Variants in GPC4 observed in about 807,000 individuals in gnomAD.
GPC4 encodes the protein glypican 4, also known as glypican-4.
GPC4 carries 10 observed loss-of-function variants against 35.0 expected under a neutral mutation model. That is an observed-to-expected ratio of 0.29 (90% CI 0.18 to 0.48). The LOEUF is 0.48. GPC4 is among the 20% of genes least tolerant of loss of function. The probability of loss-of-function intolerance (pLI) is 0.99; values close to 1 mark genes in which losing one functional copy is unlikely to be tolerated. For synonymous variants in GPC4, 167 were observed against 170.2 expected (o/e 0.98, Z 0.15); for missense variants, 322 against 451.3 (o/e 0.71, Z 2.60).
intron 1 of GPC4, among the ~76,000 whole-genome samples, chrX:133,389,545 A>T (rs1372599726): frequency 9.0e-6 from 1 of 111,585 alleles, no homozygotes; most frequent in African/African-American, 3.3e-5. Context: ...GGGAGGGCAA[A>T]ATTTAGGCTA....
intron 1 of GPC4, among the ~76,000 whole-genome samples, chrX:133,361,598 G>A (rs988291137): frequency 9.1e-6 from 1 of 109,500 alleles, no homozygotes; most frequent in Non-Finnish European, 1.9e-5. Flanking sequence ...ATTAAGTAGC[G>A]CCAACTCTCA....
intron 1 of GPC4, among the ~76,000 whole-genome samples, chrX:133,406,313 C>T (rs2068786978): frequency 8.9e-6 from 1 of 112,421 alleles, no homozygotes; most frequent in Admixed American, 9.4e-5. Flanking sequence ...CATTTTCCTC[C>T]ATGTTTGACA....
intron 1 of GPC4, among the ~76,000 whole-genome samples, chrX:133,373,095 A>C (rs2068620088): frequency 8.9e-6 from 1 of 112,187 alleles, no homozygotes; most frequent in Admixed American, 9.4e-5. Context: ...TCAGATGAAG[A>C]AGAAAGGAAT....
intron 1 of GPC4, among the ~76,000 whole-genome samples, chrX:133,397,297 C>T (rs2068747700): frequency 8.9e-6 from 1 of 111,856 alleles, no homozygotes; most frequent in Non-Finnish European, 1.9e-5. Flanking sequence ...TGGTGGCACA[C>T]GCCTCTAGTC....
At position 133,341,055 on chromosome X, in the gene GPC4, T is replaced by C. The variant is rs2068464838; in HGVS notation, c.161-1714A>G. Among the ~76,000 whole-genome samples, 5 of 112,337 alleles carry C rather than the reference T, an allele frequency of 4.5e-5. No individual in the cohort carries two copies. In the South Asian group the frequency reaches 1.8e-3, roughly 41 times the overall value. On this transcript the variant is annotated intron_variant, in intron 1 of 8. Coordinates refer to ENST00000370828, the MANE Select transcript of GPC4 (RefSeq NM_001448.3). ...AGAGCTGTGAGTCTGCAGAATATCT[T>C]AGATCTCATTAGTGACAGAAGAGGG...
At chrX:133,406,303 C>T (rs980027114) in intron 1 of GPC4, among the ~76,000 whole-genome samples, 2 of 112,447 alleles carry the variant, frequency 1.8e-5, no homozygotes, top group Non-Finnish European at 3.8e-5. Context: ...TGATTGAAAA[C>T]ATTTTCCTCC....
intron 1 of GPC4, among the ~76,000 whole-genome samples, chrX:133,402,169 C>A (rs1186219844): frequency 8.9e-6 from 1 of 112,270 alleles, no homozygotes; most frequent in African/African-American, 3.2e-5. Flanking sequence ...TAACCACATG[C>A]TTTACACTGC....
intron 3 of GPC4, among the ~76,000 whole-genome samples, chrX:133,315,580 T>C (rs978648644): frequency 2.7e-5 from 3 of 111,489 alleles, no homozygotes; most frequent in African/African-American, 9.8e-5. Context: ...ATTACTTCTT[T>C]TGAGTCTTCC....
At chrX:133,389,651 G>A (rs1237873346) in intron 1 of GPC4, among the ~76,000 whole-genome samples, 1 of 111,281 alleles carries the variant, frequency 9.0e-6, no homozygotes, top group Admixed American at 9.6e-5. Flanking sequence ...TATATGTAGA[G>A]TACAGGGAGT....
At chrX:133,315,315 C>T (rs1006403756) in intron 3 of GPC4, among the ~76,000 whole-genome samples, 2 of 110,073 alleles carry the variant, frequency 1.8e-5, no homozygotes, top group East Asian at 2.9e-4. Flanking sequence ...TAAGTTCTCT[C>T]GTGGAGCTTC....
chrX:133,306,429 C>T (rs1469523821), intron 4 of GPC4, among the ~76,000 whole-genome samples: 2 of 111,482 alleles, frequency 1.8e-5, no homozygotes, highest in African/African-American at 6.5e-5. Flanking sequence ...TTCCTCAATA[C>T]TGATTATTCG....
rs1054196610 is a variant in GPC4 at position 133,343,105 on chromosome X, T to C, written c.161-3764A>G. Among the ~76,000 whole-genome samples, 3 of 111,702 alleles carry C rather than the reference T, an allele frequency of 2.7e-5. No homozygotes were observed. The Admixed American group carries it at 2.8e-4, about 11-fold the overall frequency. On this transcript the variant is annotated intron_variant, in intron 1 of 8. Transcript: ENST00000370828. The stretch of plus-strand genomic sequence containing the variant: ...GTAGACAGCCACTGTGGGGGTAGCA[T>C]TGGACACTTGCACTTTTTAACAAGG...
chrX:133,377,123 G>A (rs1181110423), intron 1 of GPC4, among the ~76,000 whole-genome samples: 2 of 111,810 alleles, frequency 1.8e-5, no homozygotes, highest in East Asian at 5.6e-4. Flanking sequence ...CCCTCGGGAT[G>A]GGAGGCATTA....
intron 1 of GPC4, among the ~76,000 whole-genome samples, chrX:133,381,982 C>A (rs1185670658): frequency 8.9e-6 from 1 of 111,790 alleles, no homozygotes; most frequent in Non-Finnish European, 1.9e-5. Flanking sequence ...TTCAGCAAGC[C>A]CAAGGGAACA....
chrX:133,386,082 A>T (rs1231044661), intron 1 of GPC4, among the ~76,000 whole-genome samples: 1 of 109,168 alleles, frequency 9.2e-6, no homozygotes, highest in Non-Finnish European at 1.9e-5. Flanking sequence ...AATTTAAAAA[A>T]ACTCTGGCCC....
chrX:133,372,379 G>C (rs2068616519), intron 1 of GPC4, among the ~76,000 whole-genome samples: 1 of 110,111 alleles, frequency 9.1e-6, no homozygotes, highest in African/African-American at 3.3e-5. Flanking sequence ...GTAGTAGGGA[G>C]AGTACTGGAG....
intron 2 of GPC4, among the ~76,000 whole-genome samples, chrX:133,326,788 T>C (rs2068396053): frequency 8.9e-6 from 1 of 112,601 alleles, no homozygotes; most frequent in Non-Finnish European, 1.9e-5. Flanking sequence ...ACAAATTTTC[T>C]TGTGTGGAAC....
intron 2 of GPC4, among the ~76,000 whole-genome samples, chrX:133,332,234 T>A (rs1383831788): frequency 4.5e-5 from 5 of 111,887 alleles, no homozygotes; most frequent in African/African-American, 1.6e-4. Flanking sequence ...AATATAAATA[T>A]AATCCCCACT....
chrX:133,304,978 C>A, intron 6 of GPC4, 117 bp from the exon 7 acceptor site: 1 of 688,205 alleles, frequency 1.5e-6, no homozygotes, highest in South Asian at 2.7e-5. Context: ...AATTCATTTT[C>A]AACTTTAATT....
Sources: allele counts gnomAD v4.1 joint callset (sites outside exome capture counted in the v4.1 genomes callset), GRCh38; gene constraint gnomAD v4.1.1; transcripts MANE v1.5; gene names NCBI Gene and HGNC (gene_info 2026-07-23, HGNC 2026-07-21).